Variants in CIMIP4 observed in about 807,000 individuals in gnomAD.
The protein encoded by CIMIP4 is protein EAN57.
the CIMIP4 span, among the ~76,000 whole-genome samples, chr22:36,998,348 C>T: frequency 2.0e-5 from 3 of 152,102 alleles, no homozygotes; most frequent in African/African-American, 4.8e-5. Flanking sequence ...TTCCAGTGGG[C>T]ACCTGGTTCC....
chr22:37,000,991 A>G, the CIMIP4 span, among the ~76,000 whole-genome samples: 1 of 152,086 alleles, frequency 6.6e-6, no homozygotes, highest in African/African-American at 2.4e-5. Context: ...ACTTGGTTAT[A>G]CTATCTGTTA....
chr22:37,000,545 G>A, the CIMIP4 span, among the ~76,000 whole-genome samples: 1 of 152,174 alleles, frequency 6.6e-6, no homozygotes, highest in East Asian at 1.9e-4. Flanking sequence ...CAATATATCA[G>A]CTGTTGACTT....
chr22:36,999,832 G>A, the CIMIP4 span: 1 of 1,611,000 alleles, frequency 6.2e-7, no homozygotes, highest in East Asian at 2.2e-5. Context: ...CTTGCCCTTT[G>A]ACTTGACCTC....
the CIMIP4 span, chr22:37,002,122 C>A: frequency 6.4e-7 from 1 of 1,557,526 alleles, no homozygotes; most frequent in South Asian, 1.2e-5. Context: ...GAATCTCCTT[C>A]AAGTGGCACT....
At chr22:37,004,471 G>T in the CIMIP4 span, among the ~76,000 whole-genome samples, 1 of 152,112 alleles carries the variant, frequency 6.6e-6, no homozygotes, top group African/African-American at 2.4e-5. Flanking sequence ...GCAACCATTT[G>T]TCTTCCTGCA....
At chr22:37,004,355 T>A in the CIMIP4 span, among the ~76,000 whole-genome samples, 2 of 151,652 alleles carry the variant, frequency 1.3e-5, no homozygotes, top group South Asian at 4.2e-4. Context: ...TACTCCTTCA[T>A]AATTTTTCCT....
the CIMIP4 span, chr22:37,000,084 C>A: frequency 2.8e-6 from 4 of 1,425,770 alleles, no homozygotes; most frequent in Admixed American, 4.8e-5. Context: ...CCCTCCCCAC[C>A]CCGATCCCAC....
chr22:36,991,380 G>A, the CIMIP4 span: 58 of 1,551,514 alleles, frequency 3.7e-5, 2 homozygotes, highest in South Asian at 6.2e-4. Flanking sequence ...GTCCACCCCG[G>A]CTCTGTCTCC....
chr22:36,995,083 C>T, the CIMIP4 span, among the ~76,000 whole-genome samples: 2 of 152,096 alleles, frequency 1.3e-5, no homozygotes, highest in Admixed American at 6.6e-5. Flanking sequence ...GGAATCCACC[C>T]CAAAGACAAG....
the CIMIP4 span, among the ~76,000 whole-genome samples, chr22:37,006,567 T>C: frequency 6.6e-6 from 1 of 152,210 alleles, no homozygotes; most frequent in African/African-American, 2.4e-5. Context: ...GGAACGACAC[T>C]GGAGGAGCCT....
At chr22:36,999,678 C>G in the CIMIP4 span, among the ~76,000 whole-genome samples, 1 of 151,274 alleles carries the variant, frequency 6.6e-6, no homozygotes, top group Non-Finnish European at 1.5e-5. Context: ...TCCCAGCACT[C>G]GCAAGCTGAC....
the CIMIP4 span, chr22:36,999,919 G>C: frequency 6.2e-7 from 1 of 1,613,974 alleles, no homozygotes; most frequent in South Asian, 1.1e-5. Flanking sequence ...CAGGATTCTG[G>C]GTCCTGCTGG....
chr22:37,007,167 G>C, the CIMIP4 span, among the ~76,000 whole-genome samples: 2 of 152,182 alleles, frequency 1.3e-5, no homozygotes, highest in Non-Finnish European at 2.9e-5. Flanking sequence ...CAGAAACTGT[G>C]AGATAGTAAA....
At chr22:36,999,323 G>GA in the CIMIP4 span, among the ~76,000 whole-genome samples, 3 of 147,504 alleles carry the variant, frequency 2.0e-5, no homozygotes, top group Non-Finnish European at 4.5e-5. Context: ...AAACAGAAAA[G>GA]AAAAAAATTA....
chr22:37,007,441 TTTC>T, the CIMIP4 span: 1 of 152,198 alleles, frequency 6.6e-6, no homozygotes, highest in Non-Finnish European at 1.5e-5. Flanking sequence ...AGCTCCAAGT[TTTC>T]TTTCTCCTCC....
At chr22:36,994,541 G>A in the CIMIP4 span, among the ~76,000 whole-genome samples, 3 of 151,384 alleles carry the variant, frequency 2.0e-5, no homozygotes, top group Non-Finnish European at 2.9e-5. Context: ...GCTAATTTTT[G>A]TATTTTTAGT....
chr22:37,003,880 A>G, the CIMIP4 span: 2 of 1,394,378 alleles, frequency 1.4e-6, no homozygotes, highest in Non-Finnish European at 1.9e-6. Flanking sequence ...GAGCGGGAGG[A>G]GAAAGGGCCG....
the CIMIP4 span, chr22:36,999,707 T>G: frequency 1.6e-5 from 19 of 1,172,530 alleles, no homozygotes; most frequent in Non-Finnish European, 2.1e-5. Context: ...CACATGGGCA[T>G]GAAATAAGTG....
the CIMIP4 span, among the ~76,000 whole-genome samples, chr22:36,992,150 C>A: frequency 1.3e-5 from 2 of 152,132 alleles, no homozygotes; most frequent in Non-Finnish European, 2.9e-5. Context: ...GGTTCGAGAC[C>A]AGCCTGACCA....
Sources: allele counts gnomAD v4.1 joint callset (sites outside exome capture counted in the v4.1 genomes callset), GRCh38; gene constraint gnomAD v4.1.1; transcripts MANE v1.5; gene names NCBI Gene and HGNC (gene_info 2026-07-23, HGNC 2026-07-21).